Variants in CA10 observed in about 807,000 individuals in gnomAD.
The protein encoded by CA10 is carbonic anhydrase-related protein 10.
In CA10, 14 loss-of-function variants were observed where a neutral mutation model predicts 44.2. That is an observed-to-expected ratio of 0.32 (90% CI 0.21 to 0.50). The LOEUF (loss-of-function observed/expected upper bound fraction) is 0.50. Among genes scored for constraint, CA10 ranks in the 20% least tolerant of loss-of-function variants. The probability of loss-of-function intolerance (pLI) is 0.99; values close to 1 mark genes in which losing one functional copy is unlikely to be tolerated. For synonymous variants in CA10, 159 were observed against 141.6 expected (o/e 1.12, Z -0.87); for missense variants, 350 against 409.7 (o/e 0.85, Z 1.26).
intron 3 of CA10, among the ~76,000 whole-genome samples, chr17:51,814,363 T>C (rs1238195625): frequency 6.6e-6 from 1 of 152,166 alleles, no homozygotes; most frequent in African/African-American, 2.4e-5. Flanking sequence ...GTGAAGAAAT[T>C]GAGGCCTAGA....
chr17:52,069,181 G>A (rs574314962), intron 2 of CA10, among the ~76,000 whole-genome samples: 37 of 152,304 alleles, frequency 2.4e-4, no homozygotes, highest in African/African-American at 8.7e-4. Flanking sequence ...AAAAGTACCT[G>A]CCCAACAACA....
intron 1 of CA10, among the ~76,000 whole-genome samples, chr17:52,140,257 TATTA>T (rs1314806991): frequency 6.6e-6 from 1 of 152,246 alleles, no homozygotes; most frequent in African/African-American, 2.4e-5. Flanking sequence ...TAAAAGTTTA[TATTA>T]ATTAATGTAT....
intron 2 of CA10, 73 bp from the exon 3 acceptor site, chr17:51,931,205 T>C (rs991164797): frequency 4.9e-6 from 7 of 1,428,292 alleles, no homozygotes; most frequent in Non-Finnish European, 6.8e-6. Flanking sequence ...AACAGAGCTA[T>C]GTACAAACGT....
chr17:51,764,682 C>T (rs777008525), intron 3 of CA10, among the ~76,000 whole-genome samples: 1 of 152,296 alleles, frequency 6.6e-6, no homozygotes, highest in African/African-American at 2.4e-5. Context: ...TCCAAGGGCC[C>T]AGTACCATTC....
At chr17:51,734,880 C>CTGGTGG (rs1916847259) in intron 4 of CA10, among the ~76,000 whole-genome samples, 8 of 152,128 alleles carry the variant, frequency 5.3e-5, no homozygotes, top group African/African-American at 1.9e-4. Context: ...ATCAACACAC[C>CTGGTGG]AGCAGGCTCA....
intron 2 of CA10, among the ~76,000 whole-genome samples, chr17:52,006,807 TG>T (rs1055517618): frequency 7.2e-5 from 11 of 151,938 alleles, no homozygotes; most frequent in African/African-American, 2.6e-4. Context: ...TTGTGATTCT[TG>T]GACCCTCTTG....
At chr17:51,828,550 C>T (rs962973490) in intron 3 of CA10, among the ~76,000 whole-genome samples, 2 of 152,014 alleles carry the variant, frequency 1.3e-5, no homozygotes, top group East Asian at 1.9e-4. Context: ...ACTGAATGAA[C>T]GAATTCCTAG....
intron 3 of CA10, among the ~76,000 whole-genome samples, chr17:51,871,047 TTAC>T: frequency 6.9e-6 from 1 of 145,072 alleles, no homozygotes; most frequent in African/African-American, 2.6e-5. Flanking sequence ...TCTTCCCACT[TTAC>T]TTTTTTTTTT....
At chr17:51,734,478 A>G (rs1380086568) in intron 4 of CA10, among the ~76,000 whole-genome samples, 1 of 152,200 alleles carries the variant, frequency 6.6e-6, no homozygotes, top group African/African-American at 2.4e-5. Context: ...GATGTACTAT[A>G]ATATTACAGT....
chr17:51,745,328 T>G (rs1904639702), intron 4 of CA10, among the ~76,000 whole-genome samples: 1 of 152,202 alleles, frequency 6.6e-6, no homozygotes, highest in Non-Finnish European at 1.5e-5. Flanking sequence ...TGAGACTGAT[T>G]CAGTTGGTTT....
At chr17:51,797,735 T>C (rs930619337) in intron 3 of CA10, among the ~76,000 whole-genome samples, 64 of 149,406 alleles carry the variant, frequency 4.3e-4, no homozygotes, top group African/African-American at 1.6e-3. Context: ...GCGCCTGTAA[T>C]CCCAGCTACT....
At chr17:51,790,308 G>T (rs773718858) in intron 3 of CA10, among the ~76,000 whole-genome samples, 53 of 152,290 alleles carry the variant, frequency 3.5e-4, no homozygotes, top group Admixed American at 2.4e-3. Flanking sequence ...GATCTAATGT[G>T]CCTGCTGCTG....
intron 3 of CA10, among the ~76,000 whole-genome samples, chr17:51,826,224 C>G (rs1463312618): frequency 6.6e-6 from 1 of 152,158 alleles, no homozygotes; most frequent in Non-Finnish European, 1.5e-5. Context: ...GAAAGTGAAG[C>G]AGCAAGTGAC....
At chr17:51,682,546 AG>A (rs1209042340) in intron 4 of CA10, among the ~76,000 whole-genome samples, 1 of 152,210 alleles carries the variant, frequency 6.6e-6, no homozygotes, top group Non-Finnish European at 1.5e-5. Flanking sequence ...TAAAGGTGAA[AG>A]GGGATGGTGA....
chr17:52,136,800 G>A (rs79315654), intron 1 of CA10, among the ~76,000 whole-genome samples: 60 of 152,274 alleles, frequency 3.9e-4, no homozygotes, highest in Middle Eastern at 3.4e-3. Context: ...GGTGACAGAA[G>A]AGAGTATATT....
chr17:51,853,302 T>C (rs1289054652), intron 3 of CA10, among the ~76,000 whole-genome samples: 2 of 152,184 alleles, frequency 1.3e-5, no homozygotes, highest in Non-Finnish European at 2.9e-5. Flanking sequence ...TGCCACCCGG[T>C]GTCCCTGATC....
At chr17:51,791,521 G>T (rs1306305778) in intron 3 of CA10, among the ~76,000 whole-genome samples, 1 of 152,176 alleles carries the variant, frequency 6.6e-6, no homozygotes, top group South Asian at 2.1e-4. Flanking sequence ...TATAACAGGA[G>T]AATATCAACA....
intron 1 of CA10, among the ~76,000 whole-genome samples, chr17:52,106,186 C>T (rs903927675): frequency 1.4e-4 from 22 of 152,206 alleles, no homozygotes; most frequent in Admixed American, 1.2e-3. Context: ...GGAATTTCCA[C>T]TTGCCTTCAC....
chr17:51,992,069 G>A (rs1234841759), intron 2 of CA10, among the ~76,000 whole-genome samples: 2 of 151,734 alleles, frequency 1.3e-5, no homozygotes, highest in Admixed American at 6.6e-5. Flanking sequence ...GTTGACATTC[G>A]TTATATTATT....
Sources: allele counts gnomAD v4.1 joint callset (sites outside exome capture counted in the v4.1 genomes callset), GRCh38; gene constraint gnomAD v4.1.1; transcripts MANE v1.5; gene names NCBI Gene and HGNC (gene_info 2026-07-23, HGNC 2026-07-21).